The following TNS1 variants were observed in gnomAD, a reference collection of about 807,000 sequenced individuals.
TNS1 encodes tensin 1, also known as tensin-1.
TNS1 carries 62 observed loss-of-function variants against 168.6 expected under a neutral mutation model. That is an observed-to-expected ratio of 0.37 (90% CI 0.30 to 0.45). TNS1 has a LOEUF of 0.45. Among genes scored for constraint, TNS1 ranks in the 20% least tolerant of loss-of-function variants. The probability of loss-of-function intolerance (pLI) is 1.00; values close to 1 mark genes in which losing one functional copy is unlikely to be tolerated. For synonymous variants in TNS1, 934 were observed against 933.2 expected (o/e 1.00, Z -0.02); for missense variants, 2,240 against 2,339.4 (o/e 0.96, Z 0.88).
At chr2:217,950,864 T>C (rs1014086814) in intron 3 of TNS1, among the ~76,000 whole-genome samples, 2 of 151,412 alleles carry the variant, frequency 1.3e-5, no homozygotes, top group African/African-American at 2.4e-5. Context: ...TCACTTTCCA[T>C]CTCCCCGAGC....
intron 4 of TNS1, among the ~76,000 whole-genome samples, chr2:217,911,353 C>T (rs1954384237): frequency 1.3e-5 from 2 of 152,156 alleles, no homozygotes; most frequent in Admixed American, 6.5e-5. Flanking sequence ...TAGAGCAAAG[C>T]AAGGTGGGGA....
chr2:217,889,872 G>A (rs952315858), intron 12 of TNS1, among the ~76,000 whole-genome samples: 5 of 152,268 alleles, frequency 3.3e-5, no homozygotes, highest in African/African-American at 1.2e-4. Flanking sequence ...TTTGGGCTTG[G>A]GTTTCCCACC....
exon 1 of TNS1, chr2:218,010,243 G>A (rs554028598): frequency 4.8e-4 from 190 of 398,644 alleles, no homozygotes; most frequent in African/African-American, 3.5e-3. Flanking sequence ...GGAAGAGGTG[G>A]ACCCGCCGCT....
intron 1 of TNS1, among the ~76,000 whole-genome samples, chr2:218,016,394 T>G (rs1207246336): frequency 1.3e-5 from 2 of 152,104 alleles, no homozygotes; most frequent in African/African-American, 4.8e-5. Flanking sequence ...CCCCGCCCAC[T>G]TCAGGTCCAT....
At chr2:217,849,681 G>C in intron 18 of TNS1, 2 of 985,436 alleles carry the variant, frequency 2.0e-6, no homozygotes, top group South Asian at 4.7e-5. Flanking sequence ...TCTCACCCCT[G>C]CTTCGATGTC....
At chr2:217,879,291 A>C (rs1950473335) in intron 18 of TNS1, 2 of 352,816 alleles carry the variant, frequency 5.7e-6, no homozygotes, top group African/African-American at 4.4e-5. Context: ...GACAGTAAAA[A>C]TTCTTTCCAA....
At chr2:217,975,277 A>AC (rs905377695) in intron 3 of TNS1, among the ~76,000 whole-genome samples, 30 of 152,066 alleles carry the variant, frequency 2.0e-4, no homozygotes, top group African/African-American at 6.0e-4. Context: ...CCCATGAGAG[A>AC]CCCCTAGCCA....
intron 18 of TNS1, chr2:217,858,342 C>G (rs1346558752): frequency 1.1e-5 from 2 of 186,760 alleles, no homozygotes; most frequent in African/African-American, 4.8e-5. Context: ...CACAGCCCCA[C>G]TCAGCCACAA....
intron 19 of TNS1, among the ~76,000 whole-genome samples, chr2:217,845,471 C>T (rs1277597177): frequency 6.6e-6 from 1 of 152,212 alleles, no homozygotes. Flanking sequence ...GACCTGCTGA[C>T]ATAAATTCTG....
intron 3 of TNS1, among the ~76,000 whole-genome samples, chr2:217,953,774 C>T (rs1957297442): frequency 6.6e-6 from 1 of 152,126 alleles, no homozygotes; most frequent in African/African-American, 2.4e-5. Context: ...CAGAGGGAGC[C>T]CAGCTCTAAA....
chr2:217,957,356 C>T (rs561940628), intron 3 of TNS1, among the ~76,000 whole-genome samples: 9 of 152,324 alleles, frequency 5.9e-5, no homozygotes, highest in Non-Finnish European at 1.0e-4. Flanking sequence ...TGCATACACA[C>T]CCAGCCCCTT....
intron 30 of TNS1, among the ~76,000 whole-genome samples, chr2:217,809,036 T>G (rs1209123595): frequency 6.6e-6 from 1 of 152,200 alleles, no homozygotes; most frequent in Non-Finnish European, 1.5e-5. Flanking sequence ...CAGTTGTATT[T>G]ACAGCCGTAT....
At position 218,033,653 on chromosome 2, in the gene TNS1, CGGT is replaced by C. The variant is rs1958920439; in HGVS notation, c.156+164_156+166del. Reference sequence around the variant, plus strand: ...CTACCCAACTGGAGGCCCCTTCACCCGGTCGTGGTCCTTCCTCCCCCTTGGTCC... The same window carrying C: ...CTACCCAACTGGAGGCCCCTTCACCCCGTGGTCCTTCCTCCCCCTTGGTCC... On this transcript the variant is annotated intron_variant, in intron 1 of 1. Transcript: ENST00000649572. The surrounding 1 kb of genome is among the most constrained non-coding windows in gnomAD (Gnocchi z 4.3). Among the ~76,000 whole-genome samples the C allele has an allele frequency of 6.6e-6, 1 of 152,126 alleles. No homozygotes were observed. The highest frequency in any genetic ancestry group is 2.4e-5 in the African/African-American group (1 of 41,430).
intron 1 of TNS1, among the ~76,000 whole-genome samples, chr2:218,016,722 C>A (rs531181726): frequency 8.5e-5 from 13 of 152,170 alleles, no homozygotes; most frequent in Non-Finnish European, 1.5e-4. Context: ...CCCAGAAAGA[C>A]AATCCAAAAT....
Position 217,907,162 on chromosome 2 carries a change from C to T in TNS1, c.270+48G>A. 5.7e-6 allele frequency: 4 copies of T among 702,738 alleles called. No individual in the cohort carries two copies. In the South Asian group the frequency reaches 5.9e-5, roughly 10 times the overall value. 43.5% of individuals were successfully genotyped at this position (702,738 alleles called of 1,614,324 possible). A position where few individuals can be genotyped will look rare whatever the true frequency, so the allele number is the denominator to read the frequency against. On this transcript the variant is annotated intron_variant, in intron 5 of 32. Coordinates refer to ENST00000682258, the MANE Select transcript of TNS1 (RefSeq NM_001387777.1). Reference sequence around the variant, plus strand: ...ACTCTCCACTTCCAGCCTTCTCACACCTGCCCAGGCTGTTCCAGCTCCCCC... The same window carrying T: ...ACTCTCCACTTCCAGCCTTCTCACATCTGCCCAGGCTGTTCCAGCTCCCCC...
At chr2:217,836,377 G>A (rs1252673658) in intron 19 of TNS1, among the ~76,000 whole-genome samples, 166 bp from the exon 20 acceptor site, 2 of 152,132 alleles carry the variant, frequency 1.3e-5, no homozygotes, top group Admixed American at 6.5e-5. Context: ...GTCCAACTCT[G>A]TTCACACCCC....
chr2:217,965,972 C>T (rs1957617217), intron 3 of TNS1, among the ~76,000 whole-genome samples: 1 of 152,038 alleles, frequency 6.6e-6, no homozygotes, highest in Non-Finnish European at 1.5e-5. Context: ...GTGCTTCATC[C>T]AGCATCCTGT....
intron 22 of TNS1, among the ~76,000 whole-genome samples, chr2:217,827,506 C>A (rs1348902040): frequency 6.6e-6 from 1 of 152,214 alleles, no homozygotes; most frequent in African/African-American, 2.4e-5. Flanking sequence ...CCTGCCCCTT[C>A]CCCGCTCCAC....
chr2:218,013,847 G>C (rs1051496158), upstream of TNS1, among the ~76,000 whole-genome samples: 1 of 151,664 alleles, frequency 6.6e-6, no homozygotes, highest in Non-Finnish European at 1.5e-5. Context: ...GTGCAGGCCA[G>C]GGAGGAGGCT....
Sources: gnomAD v4.1 joint callset for allele counts (sites outside exome capture counted in the v4.1 genomes callset) on GRCh38, gnomAD v4.1.1 for gene constraint, Gnocchi (gnomAD v3.1) non-coding constraint, MANE v1.5 for transcripts, NCBI Gene and HGNC (gene_info 2026-07-23, HGNC 2026-07-21) for gene names.